The following MYO15A variants were observed in gnomAD, a reference collection of about 807,000 sequenced individuals.
MYO15A encodes the protein unconventional myosin-XV.
In MYO15A, 308 loss-of-function variants were observed where a neutral mutation model predicts 394.6. That is an observed-to-expected ratio of 0.78 (90% CI 0.71 to 0.86). MYO15A has a LOEUF of 0.86. Ranked by LOEUF, MYO15A falls within the 40% of genes least tolerant of loss-of-function variation. MYO15A has a pLI of 0.00. For missense variants in MYO15A, 4,606 were observed against 4,799.1 expected (o/e 0.96, Z 1.19); for synonymous variants, 1,957 against 2,003.8 (o/e 0.98, Z 0.62).
chr17:18,121,460 T>C lies in MYO15A; in HGVS notation c.2660T>C (p.Val887Ala). ...CCCACTCGGGCTGTGAAGCCGCAAG[T>C]GCGCCTGCCCTTCCACCGACCGCCC... ...EPPTRAVKPQ[V>A]RLPFHRPPRA... Residue 887 changes from valine to alanine, a missense_variant, in exon 2 of 66, where the codon GTG becomes GCG. This residue lies in a region of MYO15A where 1,830 missense variants were observed against 1,689.7 expected (regional missense o/e 1.08). Coordinates refer to ENST00000647165, the MANE Select transcript of MYO15A (RefSeq NM_016239.4). The surrounding 1 kb of genome is among the most constrained non-coding windows in gnomAD (Gnocchi z 5.3). 6.5e-7 allele frequency: 1 copy of C among 1,549,190 alleles called. No individual in the cohort carries two copies. Among genetic ancestry groups the C allele is most frequent in the Non-Finnish European group, 8.7e-7 (1 of 1,146,958 alleles).
Position 18,150,002 on chromosome 17 carries a change from C to T in MYO15A, c.7212+422C>T. 3.2e-6 allele frequency: 1 copy of T among 308,204 alleles called. No homozygotes were observed. Among genetic ancestry groups the T allele is most frequent in the Non-Finnish European group, 6.1e-6 (1 of 163,556 alleles). 19.1% of individuals were successfully genotyped at this position (308,204 alleles called of 1,614,324 possible). On this transcript the variant is annotated intron_variant, in intron 35 of 65. Coordinates refer to ENST00000647165, the MANE Select transcript of MYO15A (RefSeq NM_016239.4). This position sits in a 1 kb window ranked among gnomAD's most constrained non-coding sequence, Gnocchi z 4.4. ...GGAAGAAGTGCACCTTTGGTGGCAG[C>T]CAGCCCCCCGGGGCCACTAAAATAT...
Position 18,147,334 on chromosome 17 carries a change from AG to A in MYO15A, c.6510-692del, listed in dbSNP as rs924812235. Among the ~76,000 whole-genome samples the A allele has an allele frequency of 2.0e-5, 3 of 152,220 alleles. No individual in the cohort carries two copies. Among genetic ancestry groups the A allele is most frequent in the Admixed American group, 6.5e-5 (1 of 15,280 alleles). On this transcript the variant is annotated intron_variant, in intron 30 of 65. Coordinates refer to ENST00000647165, the MANE Select transcript of MYO15A (RefSeq NM_016239.4). The surrounding 1 kb of genome is among the most constrained non-coding windows in gnomAD (Gnocchi z 4.4). ...TTGTGACTCTGTGGCAGCTGACAGCAGGGTAAGGCCGTTGCTGGTCTGCCTG... is the reference window on the plus strand; with the variant it reads ...TTGTGACTCTGTGGCAGCTGACAGCAGGTAAGGCCGTTGCTGGTCTGCCTG...
intron 24 of MYO15A, 21 bp downstream of exon 24, chr17:18,142,275 G>A (rs151291010): frequency 2.0e-5 from 32 of 1,607,540 alleles, no homozygotes; most frequent in South Asian, 8.9e-5. Flanking sequence ...GAAAAGGCAG[G>A]ATTCCTAGGA....
rs2142367622 is a variant in MYO15A, at chr17:18,150,599, G to C, written c.7327+56G>C. 1 of 1,611,630 alleles carries C rather than the reference G, an allele frequency of 6.2e-7. No homozygotes were observed. The highest frequency in any genetic ancestry group is 2.2e-5 in the East Asian group (1 of 44,806). Reference sequence around the variant, plus strand: ...TGGGCAGGGCCAGAGCCACTTGCTGGTGTGCTAGAATGGAGGCAGCCACAG... The same window carrying C: ...TGGGCAGGGCCAGAGCCACTTGCTGCTGTGCTAGAATGGAGGCAGCCACAG... On this transcript the variant is annotated intron_variant, in intron 36 of 65. Coordinates refer to ENST00000647165, the MANE Select transcript of MYO15A (RefSeq NM_016239.4). This position sits in a 1 kb window ranked among gnomAD's most constrained non-coding sequence, Gnocchi z 4.4.
intron 1 of MYO15A, among the ~76,000 whole-genome samples, chr17:18,115,694 G>A (rs1201538034): frequency 6.6e-6 from 1 of 151,770 alleles, no homozygotes; most frequent in Non-Finnish European, 1.5e-5. Flanking sequence ...CTCACTGGCA[G>A]TCGAAGCCAA....
intron 1 of MYO15A, chr17:18,109,547 C>G (rs557565127): frequency 1.3e-5 from 2 of 152,408 alleles, no homozygotes; most frequent in Admixed American, 6.5e-5. Flanking sequence ...GCTTGCGGTG[C>G]CTTTAGGGCT....
rs750782238 is a variant in MYO15A at position 18,140,675 on chromosome 17, G to A, written c.5360+10G>A. The A allele has an allele frequency of 3.7e-6, 6 of 1,613,810 alleles. No homozygotes were observed. The African/African-American group carries it at 4.0e-5, about 11-fold the overall frequency. ...TGGAAAAGATGGAGAGGTGGGGTGG[G>A]GGGCAGGTGGGCGGAGCACCCAGCC... On this transcript the variant is annotated intron_variant, in intron 20 of 65. Transcript: ENST00000647165.
At chr17:18,177,390 G>C (rs1277825196) in intron 65 of MYO15A, 2 of 152,214 alleles carry the variant, frequency 1.3e-5, no homozygotes, top group African/African-American at 2.4e-5. Flanking sequence ...ACCTTTGACA[G>C]GCTGTGTGAG....
Position 18,148,997 on chromosome 17 carries a change from C to A in MYO15A, c.6956+45C>A. The stretch of plus-strand genomic sequence containing the variant: ...CCCCTCACAGATGGCCACTCCCAGG[C>A]AGAAGGCCGGCCACTCCCAGGCAGA... On this transcript the variant is annotated intron_variant, in intron 33 of 65. Transcript: ENST00000647165. This position sits in a 1 kb window ranked among gnomAD's most constrained non-coding sequence, Gnocchi z 4.8. 6.5e-7 allele frequency: 1 copy of A among 1,548,994 alleles called. No individual in the cohort carries two copies. The highest frequency in any genetic ancestry group is 8.7e-7 in the Non-Finnish European group (1 of 1,147,096).
rs999551053 is a variant in MYO15A, at chr17:18,159,468, G to A, written c.9229+121G>A. 6.1e-6 allele frequency: 9 copies of A among 1,481,220 alleles called. No homozygotes were observed. In the South Asian group the frequency reaches 1.0e-4, roughly 17 times the overall value. 91.8% of individuals were successfully genotyped at this position (1,481,220 alleles called of 1,614,324 possible). ...CTTTCCCTCCCGCCAGCTCAGACAT[G>A]GAACACATTTAAGAGAATAGAAGCT... On this transcript the variant is annotated intron_variant, in intron 54 of 65. Transcript: ENST00000647165.
Position 18,136,477 on chromosome 17 carries a change from T to TGAGGCC in MYO15A, c.4655+3_4655+8dup. On this transcript the variant is annotated splice_region_variant and intron_variant, in intron 14 of 65. Coordinates refer to ENST00000647165, the MANE Select transcript of MYO15A (RefSeq NM_016239.4). ...TGTGGAGAGCGCTGTGGATGCCAGG[T>TGAGGCC]GAGGCCACGCCCTCCCCTGCCTGAG... The TGAGGCC allele has an allele frequency of 6.2e-7, 1 of 1,613,648 alleles. No homozygotes were observed. Among genetic ancestry groups the TGAGGCC allele is most frequent in the Non-Finnish European group, 8.5e-7 (1 of 1,180,014 alleles).
chr17:18,154,722 G>C lies in MYO15A; in HGVS notation c.8191G>C (p.Glu2731Gln), dbSNP rs780983863. 1 of 1,613,808 alleles carries C rather than the reference G, an allele frequency of 6.2e-7. No individual in the cohort carries two copies. The highest frequency in any genetic ancestry group is 1.1e-5 in the South Asian group (1 of 91,092). Residue 2731 changes from glutamate to glutamine, a missense_variant, in exon 45 of 66, where the codon GAG (glutamate) becomes CAG (glutamine). Physicochemically the swap from Glu to Gln is conservative, Grantham distance 29. Around this residue, in one of 2 missense-constraint regions of MYO15A, gnomAD observed 2,776 missense variants for 3,109.3 expected, o/e 0.89. Transcript: ENST00000647165. ...CTCCGAGGCCTGCCTTCGCATCTCT[G>C]AGGATGAGAGGCTCAGGATGAAGGC... ...TLSEACLRIS[E>Q]DERLRMKALF...
chr17:18,139,290 C>T (rs891206645), intron 18 of MYO15A: 16 of 620,258 alleles, frequency 2.6e-5, no homozygotes, highest in African/African-American at 5.5e-5. Context: ...ATGCCTCTGT[C>T]CCCATCCGGG....
chr17:18,143,903 C>CT lies in MYO15A; in HGVS notation c.6081dup (p.Val2028CysfsTer9). 2.5e-6 allele frequency: 4 copies of CT among 1,596,336 alleles called. No homozygotes were observed. The highest frequency in any genetic ancestry group is 3.4e-6 in the Non-Finnish European group (4 of 1,170,740). ...CTGGCCCAGGTGCCTCAGGTGGCCC[C>CT]TGTGAGGACTCCTCGACTCCAGGCT... is the stretch of plus-strand genomic sequence containing the variant. On this transcript the variant is annotated frameshift_variant, in exon 28 of 66. Transcript: ENST00000647165. LOFTEE classifies it high-confidence loss of function.
chr17:18,143,436 C>T (rs2046417367), intron 25 of MYO15A, 130 bp from the exon 26 acceptor site: 4 of 1,066,878 alleles, frequency 3.7e-6, no homozygotes, highest in African/African-American at 1.6e-5. Flanking sequence ...GGGGCAGTCA[C>T]CTCCACACAA....
At position 18,111,015 on chromosome 17, in the gene MYO15A, A is replaced by G. The variant is rs2142220003; in HGVS notation, c.-220+2191A>G. Among the ~76,000 whole-genome samples the G allele has an allele frequency of 1.3e-5, 2 of 152,338 alleles. 1 individual carries two copies. Among genetic ancestry groups the G allele is most frequent in the South Asian group, 4.1e-4 (2 of 4,826 alleles). On this transcript the variant is annotated intron_variant, in intron 1 of 65. Transcript: ENST00000647165. ...CTGTGGGTCATGCCCTGACCTTCAC[A>G]GCTCTTCTTGTTGATGTGACTCTGC...
chr17:18,135,568 T>C (rs2046250341), intron 12 of MYO15A, 143 bp from the exon 13 acceptor site: 2 of 706,558 alleles, frequency 2.8e-6, no homozygotes, highest in African/African-American at 1.8e-5. Flanking sequence ...CTCGAACTCC[T>C]GGCCTCAGGT....
chr17:18,135,970 C>A, intron 13 of MYO15A, 146 bp downstream of exon 13: 1 of 717,982 alleles, frequency 1.4e-6, no homozygotes, highest in Non-Finnish European at 2.4e-6. Flanking sequence ...TAATTTCAGA[C>A]CCCAGAGACA....
Position 18,163,819 on chromosome 17 carries a change from C to T in MYO15A, c.9768C>T (p.Ile3256=), listed in dbSNP as rs1243701186. The T allele has an allele frequency of 6.2e-7, 1 of 1,613,838 alleles. No homozygotes were observed. ...TRPEAFNEYV[I]FVVTNRGQHV... ...CTGAGGCCTTCAATGAATATGTTAT[C>T]TTCGTTGTCACCAACCGTGGTGAGT... Residue 3256 remains isoleucine (I), a synonymous_variant, in exon 60 of 66, where the codon ATC becomes ATT. Coordinates refer to ENST00000647165, the MANE Select transcript of MYO15A (RefSeq NM_016239.4).
Sources: allele counts gnomAD v4.1 joint callset (sites outside exome capture counted in the v4.1 genomes callset), GRCh38; gene constraint gnomAD v4.1.1; regional missense constraint gnomAD v4.1.1; non-coding constraint Gnocchi (gnomAD v3.1); transcripts MANE v1.5; gene names NCBI Gene and HGNC (gene_info 2026-07-23, HGNC 2026-07-21).